Variants in CEP112 observed in about 807,000 individuals in gnomAD.
The protein encoded by CEP112 is centrosomal protein of 112 kDa.
Under a neutral mutation model 153.0 loss-of-function variants are expected in CEP112, and 127 were observed. The observed-to-expected ratio is 0.83, with a 90% CI of 0.72 to 0.96. CEP112 has a LOEUF of 0.96. Ranked by LOEUF, CEP112 falls within the 40% of genes least tolerant of loss-of-function variation. CEP112 has a pLI of 0.00. For missense variants in CEP112, 1,089 were observed against 1,101.2 expected (o/e 0.99, Z 0.16); for synonymous variants, 358 against 374.4 (o/e 0.96, Z 0.51).
At chr17:66,187,956 C>T (rs563538547) in intron 1 of CEP112, among the ~76,000 whole-genome samples, 49 of 152,190 alleles carry the variant, frequency 3.2e-4, no homozygotes, top group African/African-American at 1.2e-3. Flanking sequence ...CTCTGAACCC[C>T]CATAAACCAA....
At position 65,665,295 on chromosome 17, in the gene CEP112, T is replaced by C. The variant is rs903792299; in HGVS notation, c.2697+23834A>G. Among the ~76,000 whole-genome samples the C allele has an allele frequency of 3.3e-5, 5 of 152,308 alleles. No individual in the cohort carries two copies. In the East Asian group the frequency reaches 9.6e-4, roughly 29 times the overall value. On this transcript the variant is annotated intron_variant, in intron 24 of 26. Transcript: ENST00000535342. Reference sequence around the variant, plus strand: ...AATGCAGGTCAGGACAGGAGGTACATTAAGAGCCTCAGTCCATCAGCTGCA... The same window carrying C: ...AATGCAGGTCAGGACAGGAGGTACACTAAGAGCCTCAGTCCATCAGCTGCA...
At chr17:65,659,510 T>C (rs575766860) in intron 24 of CEP112, among the ~76,000 whole-genome samples, 10 of 152,304 alleles carry the variant, frequency 6.6e-5, no homozygotes, top group Non-Finnish European at 8.8e-5. Flanking sequence ...CGGATTTACT[T>C]AGGCAGCTCG....
At chr17:65,704,073 T>C (rs2048780088) in intron 23 of CEP112, among the ~76,000 whole-genome samples, 1 of 152,026 alleles carries the variant, frequency 6.6e-6, no homozygotes, top group African/African-American at 2.4e-5. Flanking sequence ...TAATCCAGTA[T>C]GACGGACGTC....
At chr17:66,187,568 C>T (rs1459329980) in intron 1 of CEP112, among the ~76,000 whole-genome samples, 1 of 152,180 alleles carries the variant, frequency 6.6e-6, no homozygotes, top group Non-Finnish European at 1.5e-5. Flanking sequence ...TCCCCTACTG[C>T]CTCAGATCAT....
chr17:65,968,940 T>G (rs1389606972), intron 17 of CEP112, among the ~76,000 whole-genome samples: 2 of 152,234 alleles, frequency 1.3e-5, no homozygotes, highest in African/African-American at 4.8e-5. Context: ...TATTTGTATA[T>G]CAAATATCTA....
intron 6 of CEP112, among the ~76,000 whole-genome samples, chr17:66,108,808 G>C (rs1175874632): frequency 6.6e-6 from 1 of 152,288 alleles, no homozygotes; most frequent in African/African-American, 2.4e-5. Flanking sequence ...AGAGATATCT[G>C]CATGCCCATC....
At chr17:65,878,570 G>C (rs1293879015) in intron 20 of CEP112, among the ~76,000 whole-genome samples, 1 of 152,148 alleles carries the variant, frequency 6.6e-6, no homozygotes, top group Non-Finnish European at 1.5e-5. Context: ...TTTTGGAGGA[G>C]AGAAAATAGG....
intron 8 of CEP112, among the ~76,000 whole-genome samples, chr17:66,082,491 C>T (rs926329372): frequency 1.2e-4 from 19 of 152,096 alleles, no homozygotes; most frequent in Admixed American, 2.0e-4. Context: ...GGGTCAGGTG[C>T]GGTGCCTCAT....
intron 6 of CEP112, among the ~76,000 whole-genome samples, chr17:66,118,772 A>G (rs1568510955): frequency 6.6e-6 from 1 of 152,202 alleles, no homozygotes; most frequent in African/African-American, 2.4e-5. Flanking sequence ...TGATATCTCA[A>G]TTACTCTGAT....
intron 6 of CEP112, among the ~76,000 whole-genome samples, chr17:66,120,838 G>A (rs1034201230): frequency 2.0e-4 from 28 of 140,352 alleles, no homozygotes; most frequent in Admixed American, 3.0e-4. Flanking sequence ...TATTGCTTGT[G>A]TTCAATTTCA....
At chr17:65,872,845 A>C (rs2058707720) in intron 20 of CEP112, 1 of 152,180 alleles carries the variant, frequency 6.6e-6, no homozygotes, top group Non-Finnish European at 1.5e-5. Context: ...TCTTCTAAAA[A>C]CATTCCGCAA....
At chr17:66,061,569 T>TACACACACAC (rs35156012) in intron 11 of CEP112, among the ~76,000 whole-genome samples, 5 of 146,160 alleles carry the variant, frequency 3.4e-5, no homozygotes, top group African/African-American at 7.5e-5. Context: ...ATGTGATAGA[T>TACACACACAC]ACACACACAC....
At chr17:65,760,197 T>A (rs1270593670) in intron 21 of CEP112, among the ~76,000 whole-genome samples, 1 of 152,184 alleles carries the variant, frequency 6.6e-6, no homozygotes, top group South Asian at 2.1e-4. Flanking sequence ...AATCACATCA[T>A]CTGCAAACAA....
At chr17:65,700,652 C>T (rs1227385202) in intron 23 of CEP112, among the ~76,000 whole-genome samples, 2 of 152,082 alleles carry the variant, frequency 1.3e-5, no homozygotes, top group African/African-American at 2.4e-5. Flanking sequence ...ACTCAAGGGT[C>T]TTGTGTGCCA....
intron 20 of CEP112, chr17:65,873,607 CTAAG>C (rs969065686): frequency 1.3e-5 from 2 of 152,064 alleles, no homozygotes; most frequent in South Asian, 2.1e-4. Context: ...CCCAGCACAC[CTAAG>C]TAAGTTCTAG....
intron 20 of CEP112, among the ~76,000 whole-genome samples, chr17:65,856,228 C>T (rs953383786): frequency 2.0e-5 from 3 of 151,878 alleles, no homozygotes; most frequent in East Asian, 3.9e-4. Flanking sequence ...AATAGAATTG[C>T]GCATTGGAAG....
chr17:65,851,864 T>C lies in CEP112; in HGVS notation c.2334A>G (p.Glu778=), dbSNP rs866906487. The change falls in exon 21 of 27, where the codon GAA becomes GAG. Residue 778 remains glutamate, a synonymous_variant. Coordinates refer to ENST00000535342, the MANE Select transcript of CEP112 (RefSeq NM_001199165.4). The part of the protein sequence containing the change: ...IVVNKLKAES[E]KMKIELKKTH... ...TCTTTTTCAGCTCTATTTTCATCTTTTCTGATTCAGCCTTCAGTTTATTGA... is the reference window on the plus strand; with the variant it reads ...TCTTTTTCAGCTCTATTTTCATCTTCTCTGATTCAGCCTTCAGTTTATTGA... 8 of 1,614,080 alleles carry C rather than the reference T, an allele frequency of 5.0e-6. No individual in the cohort carries two copies. The South Asian group carries it at 8.8e-5, about 18-fold the overall frequency.
chr17:65,760,520 T>C (rs11079584), intron 21 of CEP112, among the ~76,000 whole-genome samples: 44,092 of 152,076 alleles, frequency 0.29, 7,540 homozygotes, highest in Middle Eastern at 0.43. Flanking sequence ...AATATGATCA[T>C]ATGATCACAC....
At chr17:65,989,790 T>C (rs1366735312) in intron 17 of CEP112, among the ~76,000 whole-genome samples, 1 of 152,142 alleles carries the variant, frequency 6.6e-6, no homozygotes, top group African/African-American at 2.4e-5. Flanking sequence ...AAGACAAACC[T>C]ATAAAAAACA....
Sources: gnomAD v4.1 joint callset for allele counts (sites outside exome capture counted in the v4.1 genomes callset) on GRCh38, gnomAD v4.1.1 for gene constraint, MANE v1.5 for transcripts, NCBI Gene and HGNC (gene_info 2026-07-23, HGNC 2026-07-21) for gene names.